SLC6A11: variants seen among roughly 807,000 people sequenced by gnomAD.
SLC6A11 encodes solute carrier family 6 member 11.
In SLC6A11, 25 loss-of-function variants were observed where a neutral mutation model predicts 74.8. The ratio of observed to expected loss-of-function variants is 0.33; its 90% CI spans 0.24 to 0.47. SLC6A11 has a LOEUF of 0.47. SLC6A11 is among the 20% of genes least tolerant of loss of function. The pLI is 1.00. For missense variants in SLC6A11, 574 were observed against 837.0 expected, an observed-to-expected ratio of 0.69 and a Z score of 3.88; for synonymous variants, 330 against 330.2, an observed-to-expected ratio of 1.00 and a Z score of 0.01.
At chr3:10,820,716 T>C (rs954171104) in intron 3 of SLC6A11, among the ~76,000 whole-genome samples, 1 of 152,190 alleles carries the variant, frequency 6.6e-6, no homozygotes, top group East Asian at 1.9e-4. Context: ...AAGCTGGCCA[T>C]GCTCACAGAA....
intron 6 of SLC6A11, among the ~76,000 whole-genome samples, chr3:10,905,713 C>A (rs539756300): frequency 7.9e-5 from 12 of 152,126 alleles, no homozygotes; most frequent in Non-Finnish European, 1.8e-4. Context: ...AAACATATAT[C>A]AGTTATGCTT....
At chr3:10,881,424 ATAAG>A (rs1237175597) in intron 6 of SLC6A11, among the ~76,000 whole-genome samples, 1 of 152,200 alleles carries the variant, frequency 6.6e-6, no homozygotes, top group East Asian at 1.9e-4. Flanking sequence ...TCAAAAATAA[ATAAG>A]TAAGTAAAGT....
rs575602322 is a variant in SLC6A11 at position 10,889,244 on chromosome 3, A to G, written c.891+14149A>G. Among the ~76,000 whole-genome samples, 5 of 152,260 alleles carry G rather than the reference A, an allele frequency of 3.3e-5. No homozygotes were observed. The South Asian group carries it at 6.2e-4, about 19-fold the overall frequency. The stretch of plus-strand genomic sequence containing the variant: ...CTTGCATTTGGGTGATACATTTGCT[A>G]TAATCAAGGGGCCAATATTGATTTA... On this transcript the variant is annotated intron_variant, in intron 6 of 13. Coordinates refer to ENST00000254488, the MANE Select transcript of SLC6A11 (RefSeq NM_014229.3).
At chr3:10,900,632 A>T (rs2629132) in intron 6 of SLC6A11, among the ~76,000 whole-genome samples, 6 of 152,076 alleles carry the variant, frequency 3.9e-5, no homozygotes, top group African/African-American at 1.4e-4. Context: ...TGGAGCACCC[A>T]GGCTTGCCAT....
chr3:10,935,483 G>C, intron 13 of SLC6A11: 1 of 363,558 alleles, frequency 2.8e-6, no homozygotes, highest in Non-Finnish European at 5.1e-6. Context: ...AACTCAGTGA[G>C]TTCATATAGG....
intron 8 of SLC6A11, among the ~76,000 whole-genome samples, chr3:10,922,210 G>T (rs1016266010): frequency 5.3e-5 from 8 of 152,124 alleles, no homozygotes; most frequent in Non-Finnish European, 1.0e-4. Flanking sequence ...CACCAAGATA[G>T]ACCATATACT....
At chr3:10,826,271 G>A (rs1360107877) in intron 4 of SLC6A11, among the ~76,000 whole-genome samples, 1 of 152,238 alleles carries the variant, frequency 6.6e-6, no homozygotes, top group Non-Finnish European at 1.5e-5. Flanking sequence ...CTGAATCATA[G>A]TCTCAAACAG....
intron 5 of SLC6A11, among the ~76,000 whole-genome samples, chr3:10,872,336 C>T (rs544496907): frequency 2.0e-5 from 3 of 152,334 alleles, no homozygotes; most frequent in African/African-American, 7.2e-5. Context: ...GTAAATGCAG[C>T]CATTGTTATT....
chr3:10,868,945 A>T (rs1694796470), intron 5 of SLC6A11, among the ~76,000 whole-genome samples: 1 of 152,284 alleles, frequency 6.6e-6, no homozygotes, highest in African/African-American at 2.4e-5. Context: ...AATCTGATTC[A>T]ATTTTCTGAA....
intron 6 of SLC6A11, among the ~76,000 whole-genome samples, chr3:10,899,404 A>G (rs1008523053): frequency 2.0e-5 from 3 of 152,184 alleles, no homozygotes; most frequent in African/African-American, 4.8e-5. Context: ...TCTGTTTCAT[A>G]TGGAATTGAG....
In SLC6A11 at chr3:10,938,774, T is replaced by G; in HGVS notation, c.*372T>G. On this transcript the variant is annotated 3_prime_UTR_variant, in exon 14 of 14. Transcript: ENST00000254488. ...ATGGCTGTCCTCCTCTGTCGGCCTT[T>G]TAATGACCGTTCTGTGTCCCATGTA... 1 of 159,618 alleles carries G rather than the reference T, an allele frequency of 6.3e-6. No homozygotes were observed. The allele number at this position is 159,618 out of a possible 1,614,324, so 9.9% of individuals were successfully genotyped here.
intron 6 of SLC6A11, among the ~76,000 whole-genome samples, chr3:10,905,871 T>C (rs1462165490): frequency 2.6e-5 from 4 of 152,198 alleles, no homozygotes; most frequent in Admixed American, 1.3e-4. Flanking sequence ...GATCTCAACA[T>C]TGGTTTTTCA....
chr3:10,899,234 T>G (rs1695207916), intron 6 of SLC6A11, among the ~76,000 whole-genome samples: 1 of 152,060 alleles, frequency 6.6e-6, no homozygotes, highest in Non-Finnish European at 1.5e-5. Context: ...GCTTGGTTCC[T>G]TCTAGCCACA....
chr3:10,828,075 A>T (rs933289007), intron 4 of SLC6A11, among the ~76,000 whole-genome samples: 2 of 152,180 alleles, frequency 1.3e-5, no homozygotes, highest in African/African-American at 4.8e-5. Context: ...ATGTGTCTGC[A>T]GTTCTAAATT....
intron 4 of SLC6A11, among the ~76,000 whole-genome samples, chr3:10,838,351 C>T (rs766587635): frequency 2.7e-4 from 41 of 152,256 alleles, no homozygotes; most frequent in Non-Finnish European, 5.3e-4. Context: ...CTTCGACCAT[C>T]AGGCACAGGA....
chr3:10,938,179 G>T, intron 13 of SLC6A11, 71 bp from the exon 14 acceptor site: 1 of 1,422,980 alleles, frequency 7.0e-7, no homozygotes, highest in African/African-American at 1.4e-5. Context: ...GTGTGCTTGG[G>T]AGAGGCCACG....
At chr3:10,905,553 T>C (rs1695291999) in intron 6 of SLC6A11, among the ~76,000 whole-genome samples, 1 of 152,244 alleles carries the variant, frequency 6.6e-6, no homozygotes, top group African/African-American at 2.4e-5. Context: ...TGTGGGTTTA[T>C]TGTTTAATAC....
At position 10,816,434 on chromosome 3, in the gene SLC6A11, G is replaced by T; in HGVS notation, c.169G>T (p.Val57Leu). 1 of 1,603,716 alleles carries T rather than the reference G, an allele frequency of 6.2e-7. No homozygotes were observed. Residue 57 changes from valine (V) to leucine (L), a missense_variant, in exon 1 of 14, where the codon GTG becomes TTG. Val to Leu is a conservative substitution (Grantham distance 32). Transcript: ENST00000254488. The surrounding 1 kb of genome is among the most constrained non-coding windows in gnomAD (Gnocchi z 4.2). Reference protein sequence around the residue: ...VHERGHWNNKVEFVLSVAGEI... With the variant: ...VHERGHWNNKLEFVLSVAGEI... ...CGAGCGCGGCCACTGGAACAACAAG[G>T]TGGAGTTCGTGCTGAGCGTGGCCGG...
At chr3:10,917,533 A>G (rs1695474288) in intron 7 of SLC6A11, among the ~76,000 whole-genome samples, 1 of 152,176 alleles carries the variant, frequency 6.6e-6, no homozygotes, top group Non-Finnish European at 1.5e-5. Flanking sequence ...CTAACAGGCT[A>G]ACTTCCTGAC....
Sources: allele counts gnomAD v4.1 joint callset (sites outside exome capture counted in the v4.1 genomes callset), GRCh38; gene constraint gnomAD v4.1.1; non-coding constraint Gnocchi (gnomAD v3.1); transcripts MANE v1.5; gene names NCBI Gene and HGNC (gene_info 2026-07-23, HGNC 2026-07-21).